SCN3A: variants seen among roughly 807,000 people sequenced by gnomAD.
SCN3A encodes sodium voltage-gated channel alpha subunit 3.
Under a neutral mutation model 187.6 loss-of-function variants are expected in SCN3A, and 60 were observed. That is an observed-to-expected ratio of 0.32 (90% confidence interval 0.26 to 0.40). The LOEUF (loss-of-function observed/expected upper bound fraction) is 0.40, where lower values mean the gene tolerates loss of function less well. Among genes scored for constraint, SCN3A ranks in the 10% least tolerant of loss-of-function variants. The pLI, the probability that SCN3A is intolerant of heterozygous loss-of-function variation, is 1.00. For synonymous variants in SCN3A, 788 were observed against 829.2 expected (o/e 0.95, Z 0.85); for missense variants, 1,601 against 2,428.2 (o/e 0.66, Z 7.16).
intron 14 of SCN3A, among the ~76,000 whole-genome samples, chr2:165,138,327 T>G (rs1687795081): frequency 6.6e-6 from 1 of 152,182 alleles, no homozygotes; most frequent in Non-Finnish European, 1.5e-5. Context: ...CTCTTTTGAA[T>G]ACAGAAAATA....
intron 22 of SCN3A, 101 bp from the exon 23 acceptor site, chr2:165,097,625 A>G: frequency 6.9e-7 from 1 of 1,441,086 alleles, no homozygotes; most frequent in Non-Finnish European, 9.6e-7. Flanking sequence ...GAAAAGAGTT[A>G]AATAAAAATC....
At chr2:165,136,551 T>C (rs2105795886) in intron 15 of SCN3A, among the ~76,000 whole-genome samples, 1 of 152,296 alleles carries the variant, frequency 6.6e-6, no homozygotes, top group South Asian at 2.1e-4. Context: ...TTTATCAGAA[T>C]TGTCCAGAGG....
chr2:165,124,087 T>G (rs1264831041), intron 18 of SCN3A, among the ~76,000 whole-genome samples: 1 of 152,104 alleles, frequency 6.6e-6, no homozygotes, highest in Non-Finnish European at 1.5e-5. Flanking sequence ...TTTTAAATAA[T>G]TTCTTTACAT....
chr2:165,174,780 T>C (rs1292293193), intron 3 of SCN3A, among the ~76,000 whole-genome samples: 1 of 152,224 alleles, frequency 6.6e-6, no homozygotes, highest in Non-Finnish European at 1.5e-5. Flanking sequence ...TAGTAAATTG[T>C]TGAAATAAGT....
chr2:165,189,251 A>G (rs1307825278), intron 1 of SCN3A, among the ~76,000 whole-genome samples: 2 of 152,216 alleles, frequency 1.3e-5, no homozygotes, highest in African/African-American at 2.4e-5. Flanking sequence ...TGCTCAACAG[A>G]CATCTTAAAT....
chr2:165,095,865 T>C (rs566215433), intron 24 of SCN3A, among the ~76,000 whole-genome samples: 110 of 152,134 alleles, frequency 7.2e-4, no homozygotes, highest in Non-Finnish European at 1.3e-3. Context: ...CCATTGTGCC[T>C]TACATTTAAC....
At position 165,140,459 on chromosome 2, in the gene SCN3A, A is replaced by T. The variant is rs1403408034; in HGVS notation, c.2019+192T>A. On this transcript the variant is annotated intron_variant, in intron 13 of 27. Coordinates refer to ENST00000283254, the MANE Select transcript of SCN3A (RefSeq NM_006922.4). This position sits in a 1 kb window ranked among gnomAD's most constrained non-coding sequence, Gnocchi z 4.2. ...GTCCCTTACAAGTAATTCCCATACA[A>T]CAAAAGCTAATGGTCCCATACAATT... Among the ~76,000 whole-genome samples the T allele has an allele frequency of 6.6e-6, 1 of 152,170 alleles. No individual in the cohort carries two copies. The highest frequency in any genetic ancestry group is 1.5e-5 in the Non-Finnish European group (1 of 68,032).
At chr2:165,093,200 A>G (rs1685198845) in intron 26 of SCN3A, 1 of 152,248 alleles carries the variant, frequency 6.6e-6, no homozygotes, top group Admixed American at 6.5e-5. Context: ...ATATCAACAG[A>G]TATTTAGATA....
intron 15 of SCN3A, among the ~76,000 whole-genome samples, chr2:165,133,436 C>G (rs994725606): frequency 6.6e-6 from 1 of 152,068 alleles, no homozygotes; most frequent in African/African-American, 2.4e-5. Flanking sequence ...CTCACTGCTT[C>G]AAGTGATTCT....
chr2:165,183,388 A>G (rs141347005), intron 2 of SCN3A, among the ~76,000 whole-genome samples: 39 of 152,360 alleles, frequency 2.6e-4, no homozygotes, highest in Non-Finnish European at 4.7e-4. Flanking sequence ...TCTAAGCTGT[A>G]TATAAATAAC....
In SCN3A at chr2:165,096,523, G is replaced by A. The variant is rs1218918742; in HGVS notation, c.4240-3C>T. On this transcript the variant is annotated splice_polypyrimidine_tract_variant and splice_region_variant and intron_variant, in intron 23 of 27. Coordinates refer to ENST00000283254, the MANE Select transcript of SCN3A (RefSeq NM_006922.4). Reference sequence around the variant, plus strand: ...TCCATCCAGCCTTTAAATGTGGCCTGTAAATAACATATATTTGAATTGTTC... The same window carrying A: ...TCCATCCAGCCTTTAAATGTGGCCTATAAATAACATATATTTGAATTGTTC... 3.7e-6 allele frequency: 6 copies of A among 1,606,214 alleles called. No individual in the cohort carries two copies. Among genetic ancestry groups the A allele is most frequent in the Non-Finnish European group, 4.3e-6 (5 of 1,173,364 alleles).
intron 2 of SCN3A, among the ~76,000 whole-genome samples, chr2:165,182,397 T>C (rs1165923455): frequency 6.6e-6 from 1 of 152,174 alleles, no homozygotes; most frequent in Non-Finnish European, 1.5e-5. Flanking sequence ...ACAATGGAGA[T>C]AATCATAGTT....
At chr2:165,094,619 T>G (rs1685275243) in intron 25 of SCN3A, 141 bp from the exon 26 acceptor site, 2 of 651,382 alleles carry the variant, frequency 3.1e-6, no homozygotes, top group Non-Finnish European at 5.4e-6. Flanking sequence ...CTTTTCCCAT[T>G]TATGTGAAAT....
At chr2:165,199,640 T>C (rs1479546576) in intron 1 of SCN3A, among the ~76,000 whole-genome samples, 1 of 151,578 alleles carries the variant, frequency 6.6e-6, no homozygotes, top group Non-Finnish European at 1.5e-5. Flanking sequence ...TCCAGTTAAG[T>C]AGGTATTCAT....
chr2:165,185,384 G>C (rs73969306), intron 2 of SCN3A, among the ~76,000 whole-genome samples: 1,920 of 152,216 alleles, frequency 0.013, 42 homozygotes, highest in African/African-American at 0.044. Flanking sequence ...TTAAGGACCA[G>C]GTATATGATC....
chr2:165,090,981 G>A lies in SCN3A; in HGVS notation c.5172C>T (p.Pro1724=), dbSNP rs370428859. ...LLAPILNSAP[P]DCDPDTIHPG... Reference sequence around the variant, plus strand: ...GGTGAATTGTGTCAGGGTCACAGTCGGGTGGTGCACTATTAAGAATAGGTG... The same window carrying A: ...GGTGAATTGTGTCAGGGTCACAGTCAGGTGGTGCACTATTAAGAATAGGTG... Residue 1724 remains proline (P), a synonymous_variant, in exon 28 of 28, where the codon CCC becomes CCT. Transcript: ENST00000283254. This position sits in a 1 kb window ranked among gnomAD's most constrained non-coding sequence, Gnocchi z 4.0. 17 of 1,613,968 alleles carry A rather than the reference G, an allele frequency of 1.1e-5. No homozygotes were observed. The highest frequency in any genetic ancestry group is 7.7e-5 in the South Asian group (7 of 91,084).
chr2:165,135,618 T>C (rs1202749220), intron 15 of SCN3A, among the ~76,000 whole-genome samples: 1 of 152,096 alleles, frequency 6.6e-6, no homozygotes, highest in African/African-American at 2.4e-5. Context: ...ACATGCTCTT[T>C]CTCTGCATAT....
intron 21 of SCN3A, among the ~76,000 whole-genome samples, chr2:165,112,326 T>A (rs778490687): frequency 1.1e-4 from 17 of 152,216 alleles, no homozygotes; most frequent in Non-Finnish European, 1.8e-4. Context: ...GCATGGTAAA[T>A]ACCTGATTAG....
intron 16 of SCN3A, 70 bp downstream of exon 16, chr2:165,131,170 TATAA>T: frequency 2.2e-6 from 2 of 892,164 alleles, no homozygotes; most frequent in Non-Finnish European, 1.6e-6. Context: ...TTAATAATTA[TATAA>T]ATATACATTG....
Sources: allele counts gnomAD v4.1 joint callset (sites outside exome capture counted in the v4.1 genomes callset), GRCh38; gene constraint gnomAD v4.1.1; non-coding constraint Gnocchi (gnomAD v3.1); transcripts MANE v1.5; gene names NCBI Gene and HGNC (gene_info 2026-07-23, HGNC 2026-07-21).